AKIRIN1: variants seen among roughly 807,000 people sequenced by gnomAD.
The protein encoded by AKIRIN1 is akirin-1.
AKIRIN1 carries 4 observed loss-of-function variants against 25.9 expected under a neutral mutation model. The observed-to-expected ratio is 0.15, with a 90% CI of 0.08 to 0.35. AKIRIN1 has a LOEUF of 0.35. Ranked by LOEUF, AKIRIN1 falls within the 10% of genes least tolerant of loss-of-function variation. AKIRIN1 has a pLI of 1.00. For missense variants in AKIRIN1, 243 were observed against 266.1 expected (o/e 0.91, Z 0.61); for synonymous variants, 125 against 105.1 (o/e 1.19, Z -1.16).
At chr1:38,999,584 A>T (rs747152470) in intron 2 of AKIRIN1, among the ~76,000 whole-genome samples, 1 of 152,214 alleles carries the variant, frequency 6.6e-6, no homozygotes, top group Non-Finnish European at 1.5e-5. Context: ...CAGTGGTTAC[A>T]ACTAGCACTA....
rs1643904025 is a variant in AKIRIN1 at position 38,991,440 on chromosome 1, C to G, written c.60C>G (p.Pro20=). 1 of 1,370,512 alleles carries G rather than the reference C, an allele frequency of 7.3e-7. No homozygotes were observed. Among genetic ancestry groups the G allele is most frequent in the Non-Finnish European group, 9.4e-7 (1 of 1,066,544 alleles). 84.9% of individuals were successfully genotyped at this position (1,370,512 alleles called of 1,614,324 possible). A position where few individuals can be genotyped will look rare whatever the true frequency, so the allele number is the denominator to read the frequency against. The stretch of plus-strand genomic sequence containing the variant: ...AGTTCGAGGCGGCGCTGCTGAGCCC[C>G]GGCTCCCCGAAGCGGCGGCGCTGCG... ...PMEFEAALLS[P]GSPKRRRCAP... Residue 20 remains proline, a synonymous_variant, in exon 1 of 5, where the codon CCC becomes CCG. Coordinates refer to ENST00000432648, the MANE Select transcript of AKIRIN1 (RefSeq NM_024595.3).
At chr1:38,998,077 T>A in intron 1 of AKIRIN1, 94 bp from the exon 2 acceptor site, 1 of 1,353,912 alleles carries the variant, frequency 7.4e-7, no homozygotes, top group South Asian at 1.4e-5. Flanking sequence ...ATCTAAAGTC[T>A]AGTCAGAAGA....
At chr1:39,002,533 A>C (rs1334323529) in intron 3 of AKIRIN1, among the ~76,000 whole-genome samples, 1 of 152,204 alleles carries the variant, frequency 6.6e-6, no homozygotes, top group East Asian at 1.9e-4. Flanking sequence ...GATCGAGACC[A>C]TGCTGGCTAA....
chr1:38,992,477 T>C (rs897620255), intron 1 of AKIRIN1, among the ~76,000 whole-genome samples: 3 of 152,200 alleles, frequency 2.0e-5, no homozygotes, highest in African/African-American at 7.2e-5. Flanking sequence ...TGTGTTTTTC[T>C]ATTCCTCAAG....
At chr1:39,003,449 C>T in intron 4 of AKIRIN1, 31 bp downstream of exon 4, 1 of 1,604,760 alleles carries the variant, frequency 6.2e-7, no homozygotes, top group Non-Finnish European at 8.5e-7. Flanking sequence ...TTTGAATTTT[C>T]TAAGTTTCAA....
In AKIRIN1 at chr1:38,994,672, A is replaced by ATTTTTTTTTTTTTTTTTTTTTT. The variant is rs10528399; in HGVS notation, c.220+3085_220+3106dup. ...AGGCATGTGTCACTACGCTCGGCTAATTTTTTTTTTTTTTTTTTTTTTTTT... is the reference window on the plus strand; with the variant it reads ...AGGCATGTGTCACTACGCTCGGCTAATTTTTTTTTTTTTTTTTTTTTTTTTTTTTTTTTTTTTTTTTTTTTTT... On this transcript the variant is annotated intron_variant, in intron 1 of 4. Coordinates refer to ENST00000432648, the MANE Select transcript of AKIRIN1 (RefSeq NM_024595.3). Among the ~76,000 whole-genome samples, 19 of 63,556 alleles carry ATTTTTTTTTTTTTTTTTTTTTT rather than the reference A, an allele frequency of 3.0e-4. 1 individual carries two copies. Among genetic ancestry groups the ATTTTTTTTTTTTTTTTTTTTTT allele is most frequent in the Admixed American group, 4.7e-4 (2 of 4,284 alleles). 41.7% of individuals were successfully genotyped at this position (63,556 alleles called of 152,430 possible). A position where few individuals can be genotyped will look rare whatever the true frequency, so the allele number is the denominator to read the frequency against.
At chr1:38,991,677 G>GGGGGA in intron 1 of AKIRIN1, 77 bp downstream of exon 1, 3 of 192,412 alleles carry the variant, frequency 1.6e-5, no homozygotes, top group Non-Finnish European at 3.2e-5. Flanking sequence ...GGAGGGTTGG[G>GGGGGA]AATACCAGGC....
Position 39,004,391 on chromosome 1 carries a change from GA to G in AKIRIN1, c.*337del. The stretch of plus-strand genomic sequence containing the variant: ...GCACAGTTCTGTAAGAAGTGCGTGT[GA>G]GAGTGTGTGTATATGTGTGTATGTG... On this transcript the variant is annotated 3_prime_UTR_variant, in exon 5 of 5. Coordinates refer to ENST00000432648, the MANE Select transcript of AKIRIN1 (RefSeq NM_024595.3). The G allele has an allele frequency of 4.2e-6, 2 of 481,408 alleles. No individual in the cohort carries two copies. The highest frequency in any genetic ancestry group is 7.6e-6 in the Non-Finnish European group (2 of 262,354). 29.8% of individuals were successfully genotyped at this position (481,408 alleles called of 1,614,324 possible).
chr1:38,999,411 A>G (rs2148067987), intron 2 of AKIRIN1, among the ~76,000 whole-genome samples: 1 of 152,352 alleles, frequency 6.6e-6, no homozygotes, highest in South Asian at 2.1e-4. Context: ...GTAGTAGTGT[A>G]ACATTTTGAT....
intron 4 of AKIRIN1, 88 bp from the exon 5 acceptor site, chr1:39,003,957 C>G: frequency 1.7e-6 from 2 of 1,164,324 alleles, no homozygotes; most frequent in South Asian, 2.7e-5. Context: ...TGCTATTTCT[C>G]ACATTTACTG....
At chr1:39,001,397 G>A (rs1160004975) in intron 3 of AKIRIN1, among the ~76,000 whole-genome samples, 1 of 151,312 alleles carries the variant, frequency 6.6e-6, no homozygotes, top group Admixed American at 6.6e-5. Flanking sequence ...CAGAGTAGCT[G>A]GGATTACAGG....
rs1183635815 is a variant in AKIRIN1, at chr1:39,005,581, G to C, written c.*1526G>C. 6.6e-6 allele frequency: 1 copy of C among 152,166 alleles called. No homozygotes were observed. The highest frequency in any genetic ancestry group is 2.4e-5 in the African/African-American group (1 of 41,436). 9.4% of individuals were successfully genotyped at this position (152,166 alleles called of 1,614,324 possible). A position where few individuals can be genotyped will look rare whatever the true frequency, so the allele number is the denominator to read the frequency against. ...TGTTTCCTTCATTGTTTCTGGAAAG[G>C]AAAGTTCTATTAATATTGTTTTACT... On this transcript the variant is annotated 3_prime_UTR_variant, in exon 5 of 5. Coordinates refer to ENST00000432648, the MANE Select transcript of AKIRIN1 (RefSeq NM_024595.3).
At chr1:39,001,479 T>C (rs1287076273) in intron 3 of AKIRIN1, among the ~76,000 whole-genome samples, 5 of 152,082 alleles carry the variant, frequency 3.3e-5, no homozygotes, top group Non-Finnish European at 7.4e-5. Context: ...TTTGTCAGGC[T>C]GGTCTCAAAC....
chr1:39,002,493 G>C (rs997983967), intron 3 of AKIRIN1, among the ~76,000 whole-genome samples: 1 of 152,164 alleles, frequency 6.6e-6, no homozygotes, highest in African/African-American at 2.4e-5. Context: ...CACTTTGGGA[G>C]GCCGAGGCGG....
At position 39,005,169 on chromosome 1, in the gene AKIRIN1, G is replaced by T. The variant is rs1469731292; in HGVS notation, c.*1114G>T. ...AAAAATACAACAAAGTTAGCCGGGCGTGGTGGCAGGCGTCTGTAATCCCAG... is the reference window on the plus strand; with the variant it reads ...AAAAATACAACAAAGTTAGCCGGGCTTGGTGGCAGGCGTCTGTAATCCCAG... On this transcript the variant is annotated 3_prime_UTR_variant, in exon 5 of 5. Transcript: ENST00000432648. 6.6e-6 allele frequency: 1 copy of T among 152,212 alleles called. No individual in the cohort carries two copies. The highest frequency in any genetic ancestry group is 2.4e-5 in the African/African-American group (1 of 41,422). 9.4% of individuals were successfully genotyped at this position (152,212 alleles called of 1,614,324 possible).
rs1643988601 is a variant in AKIRIN1 at position 39,001,200 on chromosome 1, T to C, written c.496+94T>C. The C allele has an allele frequency of 1.2e-5, 17 of 1,425,912 alleles. No homozygotes were observed. In the East Asian group the frequency reaches 2.1e-4, roughly 18 times the overall value. 88.3% of individuals were successfully genotyped at this position (1,425,912 alleles called of 1,614,324 possible). On this transcript the variant is annotated intron_variant, in intron 3 of 4. Coordinates refer to ENST00000432648, the MANE Select transcript of AKIRIN1 (RefSeq NM_024595.3). ...CTTAGAAAAAGAGAGTAGGACCTCATGCAAGGGAGTTTATTGAGTTGCGGG... is the reference window on the plus strand; with the variant it reads ...CTTAGAAAAAGAGAGTAGGACCTCACGCAAGGGAGTTTATTGAGTTGCGGG...
At chr1:39,002,167 A>G (rs4147759) in intron 3 of AKIRIN1, among the ~76,000 whole-genome samples, 41,777 of 152,110 alleles carry the variant, frequency 0.27, 7,523 homozygotes, top group Non-Finnish European at 0.39. Context: ...ACCCTATGGG[A>G]TATAGGTCAA....
Position 39,004,266 on chromosome 1 carries a change from G to A in AKIRIN1, c.*211G>A, listed in dbSNP as rs1457935070. ...TTCTTTTCTGCTCATCCAATAAACA[G>A]CTGTGCCCTACTGTGATAGATTTTC... On this transcript the variant is annotated 3_prime_UTR_variant, in exon 5 of 5. Transcript: ENST00000432648. 5.7e-6 allele frequency: 4 copies of A among 703,674 alleles called. No individual in the cohort carries two copies. Among genetic ancestry groups the A allele is most frequent in the Admixed American group, 4.0e-5 (2 of 49,650 alleles). 43.6% of individuals were successfully genotyped at this position (703,674 alleles called of 1,614,324 possible).
chr1:38,991,634 C>A, intron 1 of AKIRIN1, 34 bp downstream of exon 1: 1 of 1,196,198 alleles, frequency 8.4e-7, no homozygotes, highest in South Asian at 3.5e-5. Context: ...GGCAGGAAGC[C>A]AGGCCCAGGC....
Sources: allele counts gnomAD v4.1 joint callset (sites outside exome capture counted in the v4.1 genomes callset), GRCh38; gene constraint gnomAD v4.1.1; transcripts MANE v1.5; gene names NCBI Gene and HGNC (gene_info 2026-07-23, HGNC 2026-07-21).